Variants in SCFD2 observed in about 807,000 individuals in gnomAD.
The protein encoded by SCFD2 is sec1 family domain-containing protein 2.
SCFD2 carries 54 observed loss-of-function variants against 58.9 expected under a neutral mutation model. That is an observed-to-expected ratio of 0.92 (90% CI 0.74 to 1.15). SCFD2 has a LOEUF of 1.15. Ranked by LOEUF, SCFD2 falls within the 50% of genes most tolerant of loss-of-function variation. The probability of loss-of-function intolerance (pLI) is 0.00; values close to 1 mark genes in which losing one functional copy is unlikely to be tolerated. For missense variants in SCFD2, 805 were observed against 836.6 expected, an observed-to-expected ratio of 0.96 and a Z score of 0.47; for synonymous variants, 321 against 335.9, an observed-to-expected ratio of 0.96 and a Z score of 0.49.
At chr4:53,082,756 T>C in intron 5 of SCFD2, among the ~76,000 whole-genome samples, 1 of 152,018 alleles carries the variant, frequency 6.6e-6, no homozygotes, top group Admixed American at 6.6e-5. Flanking sequence ...ATTTGAGATA[T>C]CCATCTTCTC....
chr4:52,921,501 T>TAA (rs143998693), intron 5 of SCFD2, among the ~76,000 whole-genome samples: 4 of 150,928 alleles, frequency 2.7e-5, no homozygotes, highest in Admixed American at 6.6e-5. Flanking sequence ...ATGGATAAGT[T>TAA]AAAAAAAAAT....
At chr4:53,139,451 C>G (rs1272205768) in intron 5 of SCFD2, among the ~76,000 whole-genome samples, 13 of 131,226 alleles carry the variant, frequency 9.9e-5, no homozygotes, top group African/African-American at 3.3e-4. Flanking sequence ...TCTGCCCCGC[C>G]GCCACCCCGT....
chr4:52,983,091 A>G (rs1721412695), intron 5 of SCFD2, among the ~76,000 whole-genome samples: 1 of 152,150 alleles, frequency 6.6e-6, no homozygotes, highest in East Asian at 1.9e-4. Context: ...TATACAAGGT[A>G]TTGTTTCAGT....
intron 2 of SCFD2, among the ~76,000 whole-genome samples, chr4:53,348,887 G>A (rs1734136603): frequency 6.6e-6 from 1 of 151,404 alleles, no homozygotes; most frequent in East Asian, 1.9e-4. Flanking sequence ...GCTAATTTTT[G>A]TATTTTTTTT....
At chr4:53,233,136 T>G (rs1577872377) in intron 4 of SCFD2, among the ~76,000 whole-genome samples, 1 of 152,140 alleles carries the variant, frequency 6.6e-6, no homozygotes, top group Admixed American at 6.5e-5. Context: ...CAAGACTTGG[T>G]TTCTCCAAGG....
intron 4 of SCFD2, among the ~76,000 whole-genome samples, chr4:53,163,928 T>C (rs1194512673): frequency 1.3e-5 from 2 of 152,166 alleles, no homozygotes; most frequent in East Asian, 3.9e-4. Flanking sequence ...AAAAATGTAC[T>C]AGTATACATT....
intron 4 of SCFD2, among the ~76,000 whole-genome samples, chr4:53,202,978 G>A (rs1013577216): frequency 3.9e-5 from 6 of 152,190 alleles, no homozygotes; most frequent in Admixed American, 2.6e-4. Flanking sequence ...GCAAACAGGG[G>A]CAATTTGACT....
chr4:52,922,475 A>G (rs1719761918), intron 5 of SCFD2, among the ~76,000 whole-genome samples: 1 of 152,086 alleles, frequency 6.6e-6, no homozygotes, highest in Admixed American at 6.5e-5. Context: ...TCTTTCACTT[A>G]TTGTAATGTT....
At chr4:53,298,113 C>G (rs562240140) in intron 3 of SCFD2, among the ~76,000 whole-genome samples, 2 of 152,238 alleles carry the variant, frequency 1.3e-5, no homozygotes, top group Admixed American at 6.5e-5. Flanking sequence ...ACAGTGGGAG[C>G]AGCACACCAT....
chr4:53,208,786 G>A (rs375049755), intron 4 of SCFD2, among the ~76,000 whole-genome samples: 3 of 152,306 alleles, frequency 2.0e-5, no homozygotes, highest in African/African-American at 7.2e-5. Context: ...CACATTAAAT[G>A]ATAAATTGAT....
At chr4:53,341,722 C>T (rs548249674) in intron 2 of SCFD2, among the ~76,000 whole-genome samples, 7 of 152,114 alleles carry the variant, frequency 4.6e-5, no homozygotes, top group Non-Finnish European at 7.3e-5. Context: ...GTCGGGTTAC[C>T]CACAAAGGGA....
At chr4:53,165,440 C>A (rs570867886) in intron 4 of SCFD2, among the ~76,000 whole-genome samples, 11 of 152,240 alleles carry the variant, frequency 7.2e-5, no homozygotes, top group African/African-American at 2.4e-4. Context: ...GATCATGGAG[C>A]TGTAATCTCA....
intron 5 of SCFD2, among the ~76,000 whole-genome samples, chr4:52,968,273 G>C (rs1195902322): frequency 6.6e-6 from 1 of 152,226 alleles, no homozygotes; most frequent in Admixed American, 6.5e-5. Flanking sequence ...ATTGTTGTTT[G>C]ACATTTTAAA....
At chr4:53,285,835 C>T (rs1296720489) in intron 3 of SCFD2, among the ~76,000 whole-genome samples, 1 of 152,076 alleles carries the variant, frequency 6.6e-6, no homozygotes, top group Non-Finnish European at 1.5e-5. Context: ...TACCAGAGAA[C>T]ATTGCAGTCC....
At chr4:53,309,910 T>A (rs1163960338) in intron 3 of SCFD2, among the ~76,000 whole-genome samples, 1 of 152,116 alleles carries the variant, frequency 6.6e-6, no homozygotes, top group African/African-American at 2.4e-5. Context: ...CCTTCAAAAG[T>A]CCAGAAAATA....
At chr4:53,349,952 C>G (rs13130337) in intron 2 of SCFD2, among the ~76,000 whole-genome samples, 94,352 of 151,960 alleles carry the variant, frequency 0.62, 29,522 homozygotes, top group Middle Eastern at 0.65. Flanking sequence ...CCAAGTCTAA[C>G]TGTATGCGTT....
At chr4:53,172,440 T>G (rs1427954864) in intron 4 of SCFD2, among the ~76,000 whole-genome samples, 2 of 152,252 alleles carry the variant, frequency 1.3e-5, no homozygotes, top group African/African-American at 2.4e-5. Flanking sequence ...AGGTTGTTTA[T>G]TTCAGATCTT....
intron 5 of SCFD2, among the ~76,000 whole-genome samples, chr4:53,117,879 T>C (rs1179549532): frequency 6.6e-6 from 1 of 152,206 alleles, no homozygotes; most frequent in East Asian, 1.9e-4. Flanking sequence ...CATTTTTCCA[T>C]CCAATCAGAT....
intron 6 of SCFD2, among the ~76,000 whole-genome samples, chr4:52,911,462 CTT>C (rs1315553015): frequency 1.3e-5 from 2 of 152,158 alleles, no homozygotes; most frequent in African/African-American, 4.8e-5. Context: ...ATTCTTGAGA[CTT>C]TGTGATTGTT....
Sources: allele counts gnomAD v4.1 joint callset (sites outside exome capture counted in the v4.1 genomes callset), GRCh38; gene constraint gnomAD v4.1.1; transcripts MANE v1.5; gene names NCBI Gene and HGNC (gene_info 2026-07-23, HGNC 2026-07-21).